Variants in ALOX12B observed in about 807,000 individuals in gnomAD.
The protein encoded by ALOX12B is arachidonate 12-lipoxygenase, 12R-type.
A neutral mutation model predicts 78.9 loss-of-function variants in ALOX12B; 47 were observed. That is an observed-to-expected ratio of 0.60 (90% CI 0.47 to 0.76). ALOX12B has a LOEUF of 0.76. Ranked by LOEUF, ALOX12B falls within the 30% of genes least tolerant of loss-of-function variation. ALOX12B has a pLI of 0.00. For missense variants in ALOX12B, 805 were observed against 922.6 expected, an observed-to-expected ratio of 0.87 and a Z score of 1.65; for synonymous variants, 370 against 374.5, an observed-to-expected ratio of 0.99 and a Z score of 0.14.
Position 8,079,489 on chromosome 17 carries a change from G to T in ALOX12B, c.978C>A (p.Thr326=), listed in dbSNP as rs376447477. ...GCTGCTTCCGGCCGCTGAGCTCCAC[G>T]GTGGGGATGCCCTCCATGATGCGGT... ...ADYRIMEGIP[T]VELSGRKQHH... The change falls in exon 8 of 15, where the codon ACC becomes ACA. Residue 326 remains threonine (T), a synonymous_variant. Transcript: ENST00000647874. The surrounding 1 kb of genome is among the most constrained non-coding windows in gnomAD (Gnocchi z 6.4). The T allele has an allele frequency of 3.9e-6, 6 of 1,551,004 alleles. No individual in the cohort carries two copies. Among genetic ancestry groups the T allele is most frequent in the South Asian group, 1.2e-5 (1 of 84,074 alleles).
Position 8,081,095 on chromosome 17 carries a change from C to T in ALOX12B, c.434+11G>A, listed in dbSNP as rs780190851. ...TGCCGGGCGCCCAGACTCTGCCACC[C>T]GCCCCCTCACTGGTAGAAGTCCTGC... On this transcript the variant is annotated intron_variant, in intron 3 of 14. Transcript: ENST00000647874. The T allele has an allele frequency of 6.2e-6, 10 of 1,613,744 alleles. No homozygotes were observed. The highest frequency in any genetic ancestry group is 1.7e-5 in the Admixed American group (1 of 60,012).
At chr17:8,081,003 T>G in intron 3 of ALOX12B, 27 bp from the exon 4 acceptor site, 1 of 1,613,722 alleles carries the variant, frequency 6.2e-7, no homozygotes, top group Non-Finnish European at 8.5e-7. Flanking sequence ...GATGTCACCC[T>G]CATGCCCGTG....
intron 8 of ALOX12B, among the ~76,000 whole-genome samples, chr17:8,077,457 G>A (rs1031775978): frequency 6.6e-5 from 10 of 152,178 alleles, no homozygotes; most frequent in Non-Finnish European, 1.3e-4. Context: ...CATCTCACAA[G>A]CTGCCTTCTC....
At position 8,080,062 on chromosome 17, in the gene ALOX12B, C is replaced by T. The variant is rs199951951; in HGVS notation, c.755-121G>A. ...TCGGGGAGGAAAACGAGGCCCCCAG[C>T]CTGGCGCTGAGCGGCCGGAGGAGCC... On this transcript the variant is annotated intron_variant, in intron 6 of 14. Transcript: ENST00000647874. The surrounding 1 kb of genome is among the most constrained non-coding windows in gnomAD (Gnocchi z 4.8). The T allele has an allele frequency of 2.0e-3, 3,084 of 1,513,844 alleles. 5 individuals are homozygous for T. Among genetic ancestry groups the T allele is most frequent in the Non-Finnish European group, 2.6e-3 (2,839 of 1,103,320 alleles). The allele number at this position is 1,513,844 out of a possible 1,614,324, so 93.8% of individuals were successfully genotyped here.
rs542810831 is a variant in ALOX12B, at chr17:8,086,478, T to C, written c.148-258A>G. Reference sequence around the variant, plus strand: ...TTCTCTCCATCCCCAGCTCCTGTCTTCTCCCACTCCCCTCTCCAGGCACCT... The same window carrying C: ...TTCTCTCCATCCCCAGCTCCTGTCTCCTCCCACTCCCCTCTCCAGGCACCT... On this transcript the variant is annotated intron_variant, in intron 1 of 14. Transcript: ENST00000647874. Among the ~76,000 whole-genome samples the C allele has an allele frequency of 2.0e-5, 3 of 152,176 alleles. No homozygotes were observed. In the South Asian group the frequency reaches 6.2e-4, roughly 32 times the overall value.
intron 8 of ALOX12B, among the ~76,000 whole-genome samples, chr17:8,077,519 G>A (rs1263974013): frequency 6.6e-6 from 1 of 152,216 alleles, no homozygotes; most frequent in Non-Finnish European, 1.5e-5. Context: ...AGGTGCGCAG[G>A]TTGTGCACTG....
chr17:8,086,280 C>T, intron 1 of ALOX12B, 60 bp from the exon 2 acceptor site: 1 of 1,556,156 alleles, frequency 6.4e-7, no homozygotes, highest in Non-Finnish European at 8.8e-7. Context: ...CCAGGCCGCC[C>T]ACCCCTCTGG....
In ALOX12B at chr17:8,080,820, G is replaced by T; in HGVS notation, c.528-40C>A. ...GCAGGGCAACTGGGATCCAGGGGGC[G>T]GGGAGGAGGCAGGCGCCCAGGGGAA... is the stretch of plus-strand genomic sequence containing the variant. On this transcript the variant is annotated intron_variant, in intron 4 of 14. Transcript: ENST00000647874. This position sits in a 1 kb window ranked among gnomAD's most constrained non-coding sequence, Gnocchi z 4.8. 6.2e-7 allele frequency: 1 copy of T among 1,614,028 alleles called. No individual in the cohort carries two copies. The highest frequency in any genetic ancestry group is 8.5e-7 in the Non-Finnish European group (1 of 1,179,970).
Position 8,072,875 on chromosome 17 carries a change from G to A in ALOX12B, c.2002C>T (p.Arg668Cys). ...PRRSIEAFRQ[R>C]LNQISHDIRQ... ...ATGTCGTGTGAGATCTGGTTCAGGC[G>A]CTGGCGGAACGCCTCTATGCTCCTC... Residue 668 changes from arginine to cysteine, a missense_variant, in exon 15 of 15, where the codon CGC becomes TGC. Transcript: ENST00000647874. 2 of 1,614,180 alleles carry A rather than the reference G, an allele frequency of 1.2e-6. No homozygotes were observed. Among genetic ancestry groups the A allele is most frequent in the Non-Finnish European group, 1.7e-6 (2 of 1,180,022 alleles).
In ALOX12B at chr17:8,080,793, G is replaced by C. The variant is rs746766806; in HGVS notation, c.528-13C>G. ...ATAGCCATTCCACCTGTGGGGAGAA[G>C]CGCAGGGCAACTGGGATCCAGGGGG... On this transcript the variant is annotated splice_polypyrimidine_tract_variant and intron_variant, in intron 4 of 14. Coordinates refer to ENST00000647874, the MANE Select transcript of ALOX12B (RefSeq NM_001139.3). This position sits in a 1 kb window ranked among gnomAD's most constrained non-coding sequence, Gnocchi z 4.8. The C allele has an allele frequency of 6.2e-6, 10 of 1,614,170 alleles. No homozygotes were observed. Among genetic ancestry groups the C allele is most frequent in the Non-Finnish European group, 8.5e-6 (10 of 1,180,032 alleles).
At chr17:8,077,610 C>A (rs910861241) in intron 8 of ALOX12B, among the ~76,000 whole-genome samples, 2 of 152,230 alleles carry the variant, frequency 1.3e-5, no homozygotes, top group Non-Finnish European at 2.9e-5. Flanking sequence ...CCAGGAGCAT[C>A]AGGCTCTGGG....
chr17:8,087,502 G>C lies in ALOX12B; in HGVS notation c.-60C>G, dbSNP rs541461990. 5.6e-6 allele frequency: 9 copies of C among 1,611,458 alleles called. No individual in the cohort carries two copies. The highest frequency in any genetic ancestry group is 1.3e-5 in the African/African-American group (1 of 74,940). ...CCCAGACACCGTGGAGGGGCCACAC[G>C]AAGGCCCAAGGCAGGCAAGAGAAGC... On this transcript the variant is annotated 5_prime_UTR_variant, in exon 1 of 15. Transcript: ENST00000647874.
chr17:8,084,122 C>A (rs1035821184), intron 2 of ALOX12B, among the ~76,000 whole-genome samples: 1 of 151,750 alleles, frequency 6.6e-6, no homozygotes, highest in Non-Finnish European at 1.5e-5. Context: ...TGCGCCACTG[C>A]ACTCCAGGGC....
At chr17:8,082,130 A>C (rs1388337578) in intron 2 of ALOX12B, among the ~76,000 whole-genome samples, 1 of 152,198 alleles carries the variant, frequency 6.6e-6, no homozygotes, top group East Asian at 1.9e-4. Context: ...TTCTTTATCC[A>C]GTCATCCATT....
Position 8,079,941 on chromosome 17 carries a change from T to G in ALOX12B, c.755A>C (p.Glu252Ala). 2 of 1,611,462 alleles carry G rather than the reference T, an allele frequency of 1.2e-6. No individual in the cohort carries two copies. The highest frequency in any genetic ancestry group is 1.7e-6 in the Non-Finnish European group (2 of 1,179,068). Residue 252 changes from glutamate (E) to alanine (A), a missense_variant and splice_region_variant, in exon 7 of 15, where the codon GAG becomes GCG. Physicochemically the swap from Glu to Ala is moderately radical, Grantham distance 107. Transcript: ENST00000647874. The surrounding 1 kb of genome is among the most constrained non-coding windows in gnomAD (Gnocchi z 6.4). ...IFPGKKSVVSEYVAEHWAEDT... is the reference protein window; with the variant it reads ...IFPGKKSVVSAYVAEHWAEDT... Reference sequence around the variant, plus strand: ...CTCTGCCCAGTGCTCGGCCACGTACTCTGCGAGGACGGCGCGAGGGCGTCA... The same window carrying G: ...CTCTGCCCAGTGCTCGGCCACGTACGCTGCGAGGACGGCGCGAGGGCGTCA...
At chr17:8,076,414 C>G (rs570565601) in intron 10 of ALOX12B, 70 bp from the exon 11 acceptor site, 18 of 1,529,414 alleles carry the variant, frequency 1.2e-5, no homozygotes, top group Admixed American at 2.0e-5. Flanking sequence ...CTCTAGGATC[C>G]CAGTAAGTGC....
At position 8,080,798 on chromosome 17, in the gene ALOX12B, G is replaced by A; in HGVS notation, c.528-18C>T. 1 of 1,614,148 alleles carries A rather than the reference G, an allele frequency of 6.2e-7. No homozygotes were observed. Among genetic ancestry groups the A allele is most frequent in the Non-Finnish European group, 8.5e-7 (1 of 1,180,022 alleles). ...CATTCCACCTGTGGGGAGAAGCGCA[G>A]GGCAACTGGGATCCAGGGGGCGGGG... On this transcript the variant is annotated intron_variant, in intron 4 of 14. Coordinates refer to ENST00000647874, the MANE Select transcript of ALOX12B (RefSeq NM_001139.3). The surrounding 1 kb of genome is among the most constrained non-coding windows in gnomAD (Gnocchi z 4.8).
chr17:8,085,963 C>G, intron 2 of ALOX12B, 53 bp downstream of exon 2: 1 of 1,600,046 alleles, frequency 6.2e-7, no homozygotes, highest in Non-Finnish European at 8.6e-7. Context: ...GGGTAGCAGG[C>G]TGGAGCTAGA....
rs144450916 is a variant in ALOX12B, at chr17:8,077,258, G to A, written c.1072-65C>T. 4.7e-3 allele frequency: 6,919 copies of A among 1,479,966 alleles called. 27 individuals are homozygous for A. Among genetic ancestry groups the A allele is most frequent in the Middle Eastern group, 0.021 (120 of 5,846 alleles). 91.7% of individuals were successfully genotyped at this position (1,479,966 alleles called of 1,614,324 possible). A position where few individuals can be genotyped will look rare whatever the true frequency, so the allele number is the denominator to read the frequency against. Reference sequence around the variant, plus strand: ...GACCCACACACATAAAGGCCCCACCGCAGGAAGGAGGCAGAAGGGAGTATG... The same window carrying A: ...GACCCACACACATAAAGGCCCCACCACAGGAAGGAGGCAGAAGGGAGTATG... On this transcript the variant is annotated intron_variant, in intron 8 of 14. Transcript: ENST00000647874.
Sources: gnomAD v4.1 joint callset for allele counts (sites outside exome capture counted in the v4.1 genomes callset) on GRCh38, gnomAD v4.1.1 for gene constraint, Gnocchi (gnomAD v3.1) non-coding constraint, MANE v1.5 for transcripts, NCBI Gene and HGNC (gene_info 2026-07-23, HGNC 2026-07-21) for gene names.